PRSS3: variants seen among roughly 807,000 people sequenced by gnomAD.
PRSS3 encodes serine protease 3, also known as trypsin-3.
A neutral mutation model predicts 20.8 loss-of-function variants in PRSS3; 14 were observed. That is an observed-to-expected ratio of 0.67 (90% confidence interval 0.44 to 1.05). The LOEUF is 1.05. Among genes scored for constraint, PRSS3 ranks in the 50% least tolerant of loss-of-function variants. The pLI is 0.00. For synonymous variants in PRSS3, 91 were observed against 117.6 expected, an observed-to-expected ratio of 0.77 and a Z score of 1.46; for missense variants, 237 against 306.4, an observed-to-expected ratio of 0.77 and a Z score of 1.69.
intron 1 of PRSS3, among the ~76,000 whole-genome samples, chr9:33,785,575 G>A (rs1164053059): frequency 1.3e-5 from 2 of 152,004 alleles, no homozygotes; most frequent in Non-Finnish European, 2.9e-5. Context: ...CAGGAATTAA[G>A]CAAAGACAAA....
intron 1 of PRSS3, among the ~76,000 whole-genome samples, chr9:33,774,008 T>C (rs981220271): frequency 2.0e-5 from 3 of 152,248 alleles, no homozygotes; most frequent in African/African-American, 7.2e-5. Flanking sequence ...TTTTATTGTA[T>C]ATTGCACACA....
chr9:33,768,312 T>A (rs1157739754), intron 1 of PRSS3, among the ~76,000 whole-genome samples: 3 of 151,012 alleles, frequency 2.0e-5, no homozygotes, highest in Non-Finnish European at 4.4e-5. Context: ...AAACCCCGTC[T>A]CTACTAAAAA....
intron 1 of PRSS3, among the ~76,000 whole-genome samples, chr9:33,768,240 G>C (rs1319137935): frequency 1.3e-5 from 2 of 152,164 alleles, no homozygotes; most frequent in African/African-American, 2.4e-5. Context: ...AGCACTTTGG[G>C]AGGCTGAGGC....
chr9:33,774,764 T>A (rs1196822896), intron 1 of PRSS3, among the ~76,000 whole-genome samples: 1 of 151,890 alleles, frequency 6.6e-6, no homozygotes, highest in African/African-American at 2.4e-5. Context: ...GGCAGGTGGA[T>A]CACTTGAGGT....
chr9:33,750,787 G>A lies in PRSS3; in HGVS notation c.-53+60G>A, dbSNP rs1822652346. The A allele has an allele frequency of 7.1e-7, 1 of 1,412,774 alleles. No homozygotes were observed. The allele number at this position is 1,412,774 out of a possible 1,614,324, so 87.5% of individuals were successfully genotyped here. On this transcript the variant is annotated intron_variant, in intron 1 of 5. Transcript: ENST00000342836. This position sits in a 1 kb window ranked among gnomAD's most constrained non-coding sequence, Gnocchi z 4.8. ...GGAGGAGGGCTCGAAGGGAGAGGGA[G>A]CCCCGCCAAGGAGCGGGGCTGTGAT...
intron 1 of PRSS3, among the ~76,000 whole-genome samples, chr9:33,753,967 C>A (rs1026635083): frequency 6.6e-6 from 1 of 152,206 alleles, no homozygotes; most frequent in African/African-American, 2.4e-5. Flanking sequence ...CTCATCCTCA[C>A]TTCCCCAAGT....
chr9:33,762,784 A>C (rs1317527969), intron 1 of PRSS3, among the ~76,000 whole-genome samples: 3 of 152,174 alleles, frequency 2.0e-5, no homozygotes, highest in Non-Finnish European at 4.4e-5. Flanking sequence ...AGCTACTCAA[A>C]AGCAAAGAAC....
At chr9:33,757,474 CTTT>C (rs35876237) in intron 1 of PRSS3, among the ~76,000 whole-genome samples, 6 of 145,410 alleles carry the variant, frequency 4.1e-5, no homozygotes, top group South Asian at 4.4e-4. Context: ...GCAGATTCAT[CTTT>C]TTTTTTTTTT....
At chr9:33,774,628 T>G (rs531165477) in intron 1 of PRSS3, among the ~76,000 whole-genome samples, 1 of 152,112 alleles carries the variant, frequency 6.6e-6, no homozygotes, top group Non-Finnish European at 1.5e-5. Context: ...GAGCTTGATA[T>G]TGAAAGGGAC....
intron 1 of PRSS3, among the ~76,000 whole-genome samples, chr9:33,769,743 T>G (rs1563959611): frequency 6.6e-6 from 1 of 152,160 alleles, no homozygotes. Context: ...CAGGCCAGGA[T>G]GCCCCAGCCC....
chr9:33,797,802 C>A, intron 2 of PRSS3, 27 bp from the exon 3 acceptor site: 1 of 1,614,262 alleles, frequency 6.2e-7, no homozygotes, highest in Non-Finnish European at 8.5e-7. Context: ...GGGAGAAGGT[C>A]TTCACCATGC....
intron 1 of PRSS3, among the ~76,000 whole-genome samples, chr9:33,778,628 G>A (rs1824042679): frequency 6.6e-6 from 1 of 152,134 alleles, no homozygotes; most frequent in Non-Finnish European, 1.5e-5. Context: ...TGCAAGACTT[G>A]TATACAGAAA....
At chr9:33,787,498 A>G (rs531885041) in intron 1 of PRSS3, among the ~76,000 whole-genome samples, 2 of 152,320 alleles carry the variant, frequency 1.3e-5, no homozygotes, top group Admixed American at 1.3e-4. Context: ...AGAGAAAGAG[A>G]TGCAATGCTT....
chr9:33,798,321 A>G lies in PRSS3; in HGVS notation c.455-165A>G. ...ATCACGTCTTGGGAGGGGTTCAACA[A>G]TGATCATTCTGGAAACTAAAAGCCA... On this transcript the variant is annotated intron_variant, in intron 3 of 4. Transcript: ENST00000379405. The G allele has an allele frequency of 3.1e-6, 4 of 1,298,792 alleles. No homozygotes were observed. The South Asian group carries it at 4.2e-5, about 14-fold the overall frequency. 80.5% of individuals were successfully genotyped at this position (1,298,792 alleles called of 1,614,324 possible). A position where few individuals can be genotyped will look rare whatever the true frequency, so the allele number is the denominator to read the frequency against.
At position 33,750,930 on chromosome 9, in the gene PRSS3, G is replaced by C; in HGVS notation, c.-53+203G>C. On this transcript the variant is annotated intron_variant, in intron 1 of 5. Coordinates refer to the PRSS3 transcript ENST00000342836. This position sits in a 1 kb window ranked among gnomAD's most constrained non-coding sequence, Gnocchi z 4.8. ...GAGGCTCCTCTAGGGGAGGACGGGA[G>C]GGGATGGAGGGCCCTGGTGTCGCAG... is the stretch of plus-strand genomic sequence containing the variant. 2 of 1,240,698 alleles carry C rather than the reference G, an allele frequency of 1.6e-6. No homozygotes were observed. The highest frequency in any genetic ancestry group is 2.1e-6 in the Non-Finnish European group (2 of 972,476). The allele number at this position is 1,240,698 out of a possible 1,614,324, so 76.9% of individuals were successfully genotyped here.
At chr9:33,778,466 A>G (rs547659648) in intron 1 of PRSS3, among the ~76,000 whole-genome samples, 2 of 152,266 alleles carry the variant, frequency 1.3e-5, no homozygotes, top group East Asian at 3.9e-4. Context: ...AAAACTATAC[A>G]TTAACTACTC....
At chr9:33,783,684 G>A (rs1305854783) in intron 1 of PRSS3, among the ~76,000 whole-genome samples, 1 of 152,148 alleles carries the variant, frequency 6.6e-6, no homozygotes, top group Non-Finnish European at 1.5e-5. Flanking sequence ...TTAAAGAAGT[G>A]AAGTACAGGA....
At chr9:33,787,425 G>A (rs1042311734) in intron 1 of PRSS3, among the ~76,000 whole-genome samples, 1 of 152,044 alleles carries the variant, frequency 6.6e-6, no homozygotes, top group African/African-American at 2.4e-5. Context: ...AGAGGTTTGG[G>A]GCATGTTGAA....
chr9:33,770,902 G>C (rs1823658820), intron 1 of PRSS3, among the ~76,000 whole-genome samples: 1 of 152,200 alleles, frequency 6.6e-6, no homozygotes, highest in African/African-American at 2.4e-5. Context: ...TTACAACATG[G>C]AGAAACCTGG....
Sources: allele counts gnomAD v4.1 joint callset (sites outside exome capture counted in the v4.1 genomes callset), GRCh38; gene constraint gnomAD v4.1.1; non-coding constraint Gnocchi (gnomAD v3.1); transcripts MANE v1.5; gene names NCBI Gene and HGNC (gene_info 2026-07-23, HGNC 2026-07-21).